The following RHPN2 variants were observed in gnomAD, a reference collection of about 807,000 sequenced individuals.
The protein encoded by RHPN2 is rhophilin-2.
A neutral mutation model predicts 79.0 loss-of-function variants in RHPN2; 40 were observed. The observed-to-expected ratio is 0.51, with a 90% confidence interval of 0.39 to 0.66. RHPN2 has a LOEUF of 0.66. RHPN2 is among the 30% of genes least tolerant of loss of function. The probability of loss-of-function intolerance (pLI) is 0.00; values close to 1 mark genes in which losing one functional copy is unlikely to be tolerated. For synonymous variants in RHPN2, 285 were observed against 363.5 expected, an observed-to-expected ratio of 0.78 and a Z score of 2.46; for missense variants, 686 against 883.5, an observed-to-expected ratio of 0.78 and a Z score of 2.83.
chr19:32,999,816 A>G (rs1971734916), intron 9 of RHPN2, 111 bp from the exon 10 acceptor site: 4 of 1,401,480 alleles, frequency 2.9e-6, no homozygotes, highest in Non-Finnish European at 3.9e-6. Context: ...TTCACAAGGC[A>G]TTTGGGATCA....
At chr19:32,991,423 C>T (rs1971658889) in intron 13 of RHPN2, 1 of 269,172 alleles carries the variant, frequency 3.7e-6, no homozygotes, top group Non-Finnish European at 7.3e-6. Flanking sequence ...CGCGCCACTG[C>T]ACTCCAGCCT....
chr19:33,037,675 C>G (rs1026965337), intron 2 of RHPN2, among the ~76,000 whole-genome samples: 5 of 152,128 alleles, frequency 3.3e-5, no homozygotes, highest in Non-Finnish European at 7.4e-5. Context: ...CCGCAGAGGT[C>G]TGCAGCTTCG....
intron 1 of RHPN2, among the ~76,000 whole-genome samples, chr19:33,057,203 C>A (rs1320940890): frequency 6.6e-6 from 1 of 150,776 alleles, no homozygotes; most frequent in African/African-American, 2.4e-5. Flanking sequence ...ATTAGCCAGG[C>A]TTTGTGGCTC....
At chr19:33,033,534 C>T (rs146306579) in intron 2 of RHPN2, among the ~76,000 whole-genome samples, 130 of 152,168 alleles carry the variant, frequency 8.5e-4, no homozygotes, top group Middle Eastern at 3.4e-3. Context: ...CCACTGCACT[C>T]CAGCCTGGCG....
Position 32,979,823 on chromosome 19 carries a change from C to G in RHPN2, c.*173G>C. 1.3e-6 allele frequency: 1 copy of G among 773,956 alleles called. No homozygotes were observed. The highest frequency in any genetic ancestry group is 2.8e-5 in the Admixed American group (1 of 35,104). The allele number at this position is 773,956 out of a possible 1,614,324, so 47.9% of individuals were successfully genotyped here. ...AAAAAAGTTCTTTTTTCACTAATTCCTAGAGGTTTCTTGGTTACTTTCCTT... is the reference window on the plus strand; with the variant it reads ...AAAAAAGTTCTTTTTTCACTAATTCGTAGAGGTTTCTTGGTTACTTTCCTT... On this transcript the variant is annotated 3_prime_UTR_variant, in exon 15 of 15. Coordinates refer to ENST00000254260, the MANE Select transcript of RHPN2 (RefSeq NM_033103.5).
chr19:33,005,307 G>A (rs1862978885), intron 7 of RHPN2, among the ~76,000 whole-genome samples: 1 of 150,922 alleles, frequency 6.6e-6, no homozygotes, highest in Non-Finnish European at 1.5e-5. Context: ...CAGCTACTCC[G>A]GAGGCTGAGG....
At chr19:32,991,222 C>A in intron 13 of RHPN2, 1 of 185,060 alleles carries the variant, frequency 5.4e-6, no homozygotes, top group Non-Finnish European at 1.1e-5. Context: ...CTTTGGGAGG[C>A]CGAGGTAGGC....
intron 2 of RHPN2, among the ~76,000 whole-genome samples, chr19:33,042,872 A>G (rs1599831678): frequency 6.6e-6 from 1 of 152,022 alleles, no homozygotes; most frequent in South Asian, 2.1e-4. Flanking sequence ...CGAGGTCAGG[A>G]GTTCGAGACC....
At chr19:33,008,363 C>T (rs1044947527) in intron 6 of RHPN2, among the ~76,000 whole-genome samples, 183 bp from the exon 7 acceptor site, 1 of 151,774 alleles carries the variant, frequency 6.6e-6, no homozygotes, top group Non-Finnish European at 1.5e-5. Flanking sequence ...TTGATCCTCC[C>T]ACCTCAGCCT....
At chr19:33,018,513 T>C (rs1369975973) in intron 4 of RHPN2, among the ~76,000 whole-genome samples, 1 of 152,192 alleles carries the variant, frequency 6.6e-6, no homozygotes, top group African/African-American at 2.4e-5. Context: ...CAGTGTGGCA[T>C]AAAGCTGCAA....
chr19:33,036,186 ATTT>A (rs530097897), intron 2 of RHPN2, among the ~76,000 whole-genome samples: 8 of 139,632 alleles, frequency 5.7e-5, no homozygotes, highest in African/African-American at 5.3e-5. Context: ...AAGAAAATTA[ATTT>A]TTTTTTTTTT....
At chr19:33,036,116 C>CAA (rs111475142) in intron 2 of RHPN2, among the ~76,000 whole-genome samples, 10 of 93,240 alleles carry the variant, frequency 1.1e-4, no homozygotes, top group African/African-American at 3.5e-4. Flanking sequence ...GACTCCATCT[C>CAA]AAAAAAAAAA....
At chr19:33,046,653 C>T (rs527437502) in intron 1 of RHPN2, among the ~76,000 whole-genome samples, 3 of 152,182 alleles carry the variant, frequency 2.0e-5, no homozygotes, top group Admixed American at 2.0e-4. Context: ...ACCCAACTAA[C>T]AGGATGAGAG....
At chr19:33,059,063 C>T (rs1027369572) in intron 1 of RHPN2, among the ~76,000 whole-genome samples, 1 of 151,898 alleles carries the variant, frequency 6.6e-6, no homozygotes, top group Non-Finnish European at 1.5e-5. Context: ...CCACTGCACT[C>T]CAGCCTGGGG....
At chr19:33,015,470 C>CA (rs1205782608) in intron 4 of RHPN2, among the ~76,000 whole-genome samples, 2 of 150,082 alleles carry the variant, frequency 1.3e-5, no homozygotes, top group Non-Finnish European at 1.5e-5. Context: ...ACATTAGGGA[C>CA]AAAATGAGAA....
chr19:33,047,508 C>A (rs7246814), intron 1 of RHPN2, among the ~76,000 whole-genome samples: 82,744 of 152,004 alleles, frequency 0.54, 26,499 homozygotes, highest in African/African-American at 0.87. Context: ...TTCCTCTTTG[C>A]CGCTTATCTC....
intron 14 of RHPN2, among the ~76,000 whole-genome samples, chr19:32,982,757 A>G (rs1404472153): frequency 6.6e-6 from 1 of 151,856 alleles, no homozygotes; most frequent in Non-Finnish European, 1.5e-5. Flanking sequence ...TAGGGCCTGT[A>G]TCTGAAAGGT....
intron 1 of RHPN2, among the ~76,000 whole-genome samples, chr19:33,061,629 G>A (rs189549916): frequency 0.016 from 2,367 of 151,794 alleles, 56 homozygotes; most frequent in African/African-American, 0.054. Flanking sequence ...GATTACAGGC[G>A]CCTGCCGCTA....
chr19:33,037,737 C>T (rs970919843), intron 2 of RHPN2, among the ~76,000 whole-genome samples: 4 of 152,190 alleles, frequency 2.6e-5, no homozygotes, highest in Non-Finnish European at 4.4e-5. Context: ...ACTCCAAACA[C>T]ATCCGAACAT....
Sources: gnomAD v4.1 joint callset for allele counts (sites outside exome capture counted in the v4.1 genomes callset) on GRCh38, gnomAD v4.1.1 for gene constraint, MANE v1.5 for transcripts, NCBI Gene and HGNC (gene_info 2026-07-23, HGNC 2026-07-21) for gene names.